Variants in CCT8 observed in about 807,000 individuals in gnomAD.
The protein encoded by CCT8 is chaperonin containing TCP1 subunit 8, also known as T-complex protein 1 subunit theta.
CCT8 carries 10 observed loss-of-function variants against 65.7 expected under a neutral mutation model. The observed-to-expected ratio is 0.15, with a 90% confidence interval of 0.09 to 0.26. The LOEUF is 0.26. Among genes scored for constraint, CCT8 ranks in the 10% least tolerant of loss-of-function variants. The pLI is 1.00. For synonymous variants in CCT8, 199 were observed against 221.8 expected (o/e 0.90, Z 0.92); for missense variants, 568 against 669.1 (o/e 0.85, Z 1.67).
chr21:29,066,790 T>G lies in CCT8; in HGVS notation c.563-13A>C. ...GGAAAAATAGATACTGTTAAGAAAA[T>G]GAGACATATCAAAAGATTATTTTGG... is the stretch of plus-strand genomic sequence containing the variant. On this transcript the variant is annotated splice_polypyrimidine_tract_variant and intron_variant, in intron 5 of 14. Transcript: ENST00000286788. 1 of 1,598,788 alleles carries G rather than the reference T, an allele frequency of 6.3e-7. No homozygotes were observed. Among genetic ancestry groups the G allele is most frequent in the Admixed American group, 1.7e-5 (1 of 58,036 alleles).
At chr21:29,072,010 T>TAAA (rs58699995) in intron 1 of CCT8, 37 of 621,162 alleles carry the variant, frequency 6.0e-5, no homozygotes, top group Middle Eastern at 5.0e-4. Context: ...GTTGTTGTTT[T>TAAA]AAAAAAAAAA....
chr21:29,073,276 G>C, intron 1 of CCT8: 1 of 1,312,314 alleles, frequency 7.6e-7, no homozygotes, highest in Non-Finnish European at 9.8e-7. Flanking sequence ...CTTCACATCC[G>C]TCCACCTTCA....
rs181754234 is a variant in CCT8, at chr21:29,058,745, C to A, written c.1569+1796G>T. Among the ~76,000 whole-genome samples, 81 of 151,746 alleles carry A rather than the reference C, an allele frequency of 5.3e-4. 1 individual carries two copies. Among genetic ancestry groups the A allele is most frequent in the Non-Finnish European group, 1.1e-3 (72 of 67,920 alleles). ...TAGCTGGGACTACAGGCATCTGCCA[C>A]CACGCCCAGCTAATTTTTTGTTTTT... On this transcript the variant is annotated intron_variant, in intron 14 of 14. Transcript: ENST00000286788.
At position 29,065,003 on chromosome 21, in the gene CCT8, A is replaced by G. The variant is rs112581414; in HGVS notation, c.727T>C (p.Ser243Pro). 1 of 1,613,852 alleles carries G rather than the reference A, an allele frequency of 6.2e-7. No homozygotes were observed. Among genetic ancestry groups the G allele is most frequent in the Non-Finnish European group, 8.5e-7 (1 of 1,179,812 alleles). The change falls in exon 7 of 15, where the codon TCT becomes CCT. Residue 243 changes from serine (S) to proline (P), a missense_variant. By Grantham distance (74) the Ser-to-Pro change is moderately conservative. Coordinates refer to ENST00000286788, the MANE Select transcript of CCT8 (RefSeq NM_006585.4). Reference protein sequence around the residue: ...SVKDAKIAVYSCPFDGMITET... With the variant: ...SVKDAKIAVYPCPFDGMITET... ...GTTATCATGCCATCAAAAGGACAAG[A>G]GTACACTGCTATTTTTGCATCTTTG...
chr21:29,072,738 T>G (rs781740143), intron 1 of CCT8, among the ~76,000 whole-genome samples: 1 of 152,216 alleles, frequency 6.6e-6, no homozygotes, highest in Non-Finnish European at 1.5e-5. Flanking sequence ...GCAATTTGAA[T>G]AGCACAAGAG....
At chr21:29,069,740 T>C (rs1477062450) in intron 2 of CCT8, among the ~76,000 whole-genome samples, 2 of 152,246 alleles carry the variant, frequency 1.3e-5, no homozygotes, top group African/African-American at 4.8e-5. Flanking sequence ...CTACGTAAGA[T>C]GCCAAATCTC....
chr21:29,064,191 C>T (rs1281360519), intron 7 of CCT8, among the ~76,000 whole-genome samples: 2 of 151,514 alleles, frequency 1.3e-5, no homozygotes, highest in South Asian at 2.1e-4. Context: ...CTAGGCCGGG[C>T]GCGGTGGCTC....
intron 7 of CCT8, 121 bp from the exon 8 acceptor site, chr21:29,063,651 A>G: frequency 2.3e-6 from 2 of 857,992 alleles, no homozygotes; most frequent in East Asian, 2.6e-5. Flanking sequence ...ATATATGTGC[A>G]TATATTATGA....
intron 3 of CCT8, among the ~76,000 whole-genome samples, chr21:29,068,212 AG>A (rs2085644758): frequency 6.6e-6 from 1 of 152,186 alleles, no homozygotes; most frequent in Admixed American, 6.5e-5. Flanking sequence ...TTTTATTCTT[AG>A]GATTTAATTT....
chr21:29,073,506 C>T (rs2146448331), intron 1 of CCT8, 25 bp downstream of exon 1: 1 of 1,614,072 alleles, frequency 6.2e-7, no homozygotes, highest in Non-Finnish European at 8.5e-7. Context: ...ACGCTCCCAC[C>T]TCATTCCTTT....
intron 2 of CCT8, 112 bp from the exon 3 acceptor site, chr21:29,069,614 A>G: frequency 3.4e-6 from 2 of 593,840 alleles, no homozygotes; most frequent in South Asian, 5.3e-5. Flanking sequence ...TTAAAAAAAG[A>G]GCTTTGCAAG....
intron 2 of CCT8, among the ~76,000 whole-genome samples, 160 bp downstream of exon 2, chr21:29,070,087 T>C (rs145867696): frequency 9.4e-4 from 143 of 152,288 alleles, no homozygotes; most frequent in East Asian, 2.9e-3. Flanking sequence ...TGTGAGTTGA[T>C]TGAAAATTAG....
Position 29,061,314 on chromosome 21 carries a change from A to T in CCT8, c.1388T>A (p.Val463Glu). 6.2e-7 allele frequency: 1 copy of T among 1,613,932 alleles called. No individual in the cohort carries two copies. Among genetic ancestry groups the T allele is most frequent in the South Asian group, 1.1e-5 (1 of 91,078 alleles). Residue 463 changes from valine to glutamate, a missense_variant, in exon 13 of 15, where the codon GTA (valine) becomes GAA (glutamate). Coordinates refer to ENST00000286788, the MANE Select transcript of CCT8 (RefSeq NM_006585.4). ...AENSGVKANE[V>E]ISKLYAVHQE... The stretch of plus-strand genomic sequence containing the variant: ...ATGTACTGCATAAAGTTTAGAGATT[A>T]CTTCATTGGCCTTAACTCCAGAGTT...
chr21:29,073,470 G>A (rs529782941), intron 1 of CCT8, 61 bp downstream of exon 1: 2 of 1,611,694 alleles, frequency 1.2e-6, no homozygotes. Flanking sequence ...CTCCTACTTC[G>A]CCGCGGCCGC....
chr21:29,063,339 GGC>G lies in CCT8; in HGVS notation c.941+11_941+12del. 2 of 1,596,178 alleles carry G rather than the reference GGC, an allele frequency of 1.3e-6. No homozygotes were observed. The highest frequency in any genetic ancestry group is 1.7e-6 in the Non-Finnish European group (2 of 1,172,418). On this transcript the variant is annotated intron_variant, in intron 8 of 14. Transcript: ENST00000286788. ...TATGATATAGGTAAAAAAAAAAATC[GGC>G]TTTTTCTTACCTCACTAACATGATA... is the stretch of plus-strand genomic sequence containing the variant.
chr21:29,061,793 G>A (rs186913553), intron 11 of CCT8, among the ~76,000 whole-genome samples: 1 of 152,304 alleles, frequency 6.6e-6, no homozygotes, highest in African/African-American at 2.4e-5. Context: ...AGTGAAGAAT[G>A]GGAATAGTAC....
At chr21:29,068,444 TTA>T in intron 3 of CCT8, among the ~76,000 whole-genome samples, 1 of 151,988 alleles carries the variant, frequency 6.6e-6, no homozygotes, top group South Asian at 2.1e-4. Context: ...CTTTAAGAAT[TTA>T]TATATATAAT....
intron 1 of CCT8, among the ~76,000 whole-genome samples, chr21:29,071,402 G>A (rs924784245): frequency 4.0e-5 from 6 of 151,804 alleles, no homozygotes; most frequent in African/African-American, 9.7e-5. Flanking sequence ...TTTTTTGAGA[G>A]AGAGAGAGTC....
At chr21:29,072,097 G>A in intron 1 of CCT8, 1 of 628,440 alleles carries the variant, frequency 1.6e-6, no homozygotes, top group Non-Finnish European at 2.8e-6. Context: ...TAAGTAAGAG[G>A]TCGGGGGAAA....
Sources: gnomAD v4.1 joint callset for allele counts (sites outside exome capture counted in the v4.1 genomes callset) on GRCh38, gnomAD v4.1.1 for gene constraint, MANE v1.5 for transcripts, NCBI Gene and HGNC (gene_info 2026-07-23, HGNC 2026-07-21) for gene names.